COLEC12: variants seen among roughly 807,000 people sequenced by gnomAD.
COLEC12 encodes the protein collectin-12.
COLEC12 carries 33 observed loss-of-function variants against 71.1 expected under a neutral mutation model. The observed-to-expected ratio is 0.46, with a 90% CI of 0.35 to 0.62. The LOEUF is 0.62. Among genes scored for constraint, COLEC12 ranks in the 20% least tolerant of loss-of-function variants. COLEC12 has a pLI of 0.00. For synonymous variants in COLEC12, 350 were observed against 353.0 expected (o/e 0.99, Z 0.10); for missense variants, 765 against 916.1 (o/e 0.84, Z 2.13).
chr18:442,324 C>A (rs925086250), intron 2 of COLEC12, among the ~76,000 whole-genome samples: 1 of 152,272 alleles, frequency 6.6e-6, no homozygotes, highest in Non-Finnish European at 1.5e-5. Context: ...TTCTCCTCAG[C>A]CCTGATTTCT....
At chr18:497,721 G>A (rs1040638201) in intron 1 of COLEC12, among the ~76,000 whole-genome samples, 3 of 152,206 alleles carry the variant, frequency 2.0e-5, no homozygotes, top group African/African-American at 4.8e-5. Context: ...AGATTAACAC[G>A]TTTATTCTAA....
intron 1 of COLEC12, among the ~76,000 whole-genome samples, chr18:499,943 G>A (rs945915915): frequency 6.6e-6 from 1 of 152,246 alleles, no homozygotes; most frequent in Non-Finnish European, 1.5e-5. Flanking sequence ...CGGTGAATCT[G>A]ATGGAGAAAG....
At chr18:416,650 C>T (rs970174869) in intron 2 of COLEC12, among the ~76,000 whole-genome samples, 21 of 152,130 alleles carry the variant, frequency 1.4e-4, no homozygotes, top group Non-Finnish European at 7.4e-5. Context: ...CCATGCTGGG[C>T]GGTGCCATGG....
chr18:426,729 G>A (rs753813381), intron 2 of COLEC12, among the ~76,000 whole-genome samples: 1 of 152,014 alleles, frequency 6.6e-6, no homozygotes, highest in Non-Finnish European at 1.5e-5. Flanking sequence ...CATTTATTAA[G>A]CACTCAGTCT....
At chr18:481,423 G>A (rs1007382270) in intron 1 of COLEC12, among the ~76,000 whole-genome samples, 3 of 152,190 alleles carry the variant, frequency 2.0e-5, no homozygotes, top group Non-Finnish European at 2.9e-5. Flanking sequence ...GAGAGATGTC[G>A]GCCGGGCGCA....
intron 5 of COLEC12, among the ~76,000 whole-genome samples, chr18:340,196 A>G (rs1021297890): frequency 6.6e-6 from 1 of 152,152 alleles, no homozygotes; most frequent in African/African-American, 2.4e-5. Context: ...CCTACGTGGA[A>G]GGACATTTGA....
chr18:454,801 T>C (rs35512195), intron 2 of COLEC12, among the ~76,000 whole-genome samples: 17,429 of 152,272 alleles, frequency 0.11, 1,383 homozygotes, highest in East Asian at 0.37. Context: ...ACCTGTCTTC[T>C]CATCTGCCAT....
At chr18:406,370 G>A (rs141729619) in intron 2 of COLEC12, among the ~76,000 whole-genome samples, 26,645 of 151,474 alleles carry the variant, frequency 0.18, 3,059 homozygotes, top group Non-Finnish European at 0.26. Flanking sequence ...TTAGCCAGGC[G>A]CGGTGGCGGG....
chr18:457,380 C>T (rs1916893842), intron 2 of COLEC12, among the ~76,000 whole-genome samples: 1 of 152,220 alleles, frequency 6.6e-6, no homozygotes, highest in Admixed American at 6.5e-5. Context: ...CTGGATTTAA[C>T]ACCCTCCCTG....
intron 2 of COLEC12, among the ~76,000 whole-genome samples, chr18:435,744 CATT>C (rs1176193132): frequency 1.3e-5 from 2 of 152,158 alleles, no homozygotes; most frequent in African/African-American, 4.8e-5. Flanking sequence ...TTAATATTAA[CATT>C]ATATTGAGTA....
rs1339434899 is a variant in COLEC12 at position 319,933 on chromosome 18, G to C, written c.*112C>G. 8 of 742,536 alleles carry C rather than the reference G, an allele frequency of 1.1e-5. No individual in the cohort carries two copies. The highest frequency in any genetic ancestry group is 1.9e-5 in the Non-Finnish European group (8 of 429,182). 46.0% of individuals were successfully genotyped at this position (742,536 alleles called of 1,614,324 possible). A position where few individuals can be genotyped will look rare whatever the true frequency, so the allele number is the denominator to read the frequency against. On this transcript the variant is annotated 3_prime_UTR_variant, in exon 10 of 10. Coordinates refer to ENST00000400256, the MANE Select transcript of COLEC12 (RefSeq NM_130386.3). Reference sequence around the variant, plus strand: ...AGCTGTCAATTTTTTTTCAGTAATTGGTTTTCAGTGCTTTTTTTTTTTCAA... The same window carrying C: ...AGCTGTCAATTTTTTTTCAGTAATTCGTTTTCAGTGCTTTTTTTTTTTCAA...
At chr18:452,912 C>T (rs900979775) in intron 2 of COLEC12, among the ~76,000 whole-genome samples, 4 of 152,332 alleles carry the variant, frequency 2.6e-5, no homozygotes, top group East Asian at 1.9e-4. Context: ...ACTGAAATAG[C>T]ACCACTCAGG....
chr18:466,757 TAC>T (rs1917097081), intron 2 of COLEC12, among the ~76,000 whole-genome samples: 1 of 151,974 alleles, frequency 6.6e-6, no homozygotes, highest in Admixed American at 6.5e-5. Flanking sequence ...AGGAAAAAAA[TAC>T]AGTTTTTTAC....
chr18:425,096 G>A (rs1916174623), intron 2 of COLEC12, among the ~76,000 whole-genome samples: 1 of 152,210 alleles, frequency 6.6e-6, no homozygotes, highest in East Asian at 1.9e-4. Context: ...CTCTCAGACT[G>A]GGAGAGATCT....
At chr18:458,433 C>A (rs569395827) in intron 2 of COLEC12, among the ~76,000 whole-genome samples, 4 of 152,238 alleles carry the variant, frequency 2.6e-5, no homozygotes, top group Non-Finnish European at 5.9e-5. Context: ...TGAGAACACA[C>A]GTGGGTGGGC....
At chr18:462,716 G>A (rs1047674785) in intron 2 of COLEC12, among the ~76,000 whole-genome samples, 1 of 152,122 alleles carries the variant, frequency 6.6e-6, no homozygotes, top group African/African-American at 2.4e-5. Flanking sequence ...AAATAACGGA[G>A]GAGGACTCCC....
At chr18:446,115 A>C (rs543724410) in intron 2 of COLEC12, among the ~76,000 whole-genome samples, 1 of 152,202 alleles carries the variant, frequency 6.6e-6, no homozygotes, top group Non-Finnish European at 1.5e-5. Context: ...TGTATATTCT[A>C]CATTTTATTT....
chr18:491,432 C>T (rs1015855903), intron 1 of COLEC12, among the ~76,000 whole-genome samples: 1 of 152,216 alleles, frequency 6.6e-6, no homozygotes, highest in Admixed American at 6.5e-5. Context: ...GCCTCTCAGT[C>T]TCCTATAAGC....
At chr18:343,322 G>A (rs1914298122) in intron 5 of COLEC12, among the ~76,000 whole-genome samples, 2 of 152,124 alleles carry the variant, frequency 1.3e-5, no homozygotes. Flanking sequence ...GCTCAGGTGG[G>A]GGAGGCCGGC....
Sources: allele counts gnomAD v4.1 joint callset (sites outside exome capture counted in the v4.1 genomes callset), GRCh38; gene constraint gnomAD v4.1.1; transcripts MANE v1.5; gene names NCBI Gene and HGNC (gene_info 2026-07-23, HGNC 2026-07-21).